TNPO3: variants seen among roughly 807,000 people sequenced by gnomAD.
TNPO3 encodes the protein transportin-3.
Under a neutral mutation model 122.8 loss-of-function variants are expected in TNPO3, and 65 were observed. That is an observed-to-expected ratio of 0.53 (90% confidence interval 0.43 to 0.65). The LOEUF is 0.65. Among genes scored for constraint, TNPO3 ranks in the 30% least tolerant of loss-of-function variants. The pLI, the probability that TNPO3 is intolerant of heterozygous loss-of-function variation, is 0.00. For synonymous variants in TNPO3, 372 were observed against 411.2 expected, an observed-to-expected ratio of 0.90 and a Z score of 1.15; for missense variants, 850 against 1,136.7, an observed-to-expected ratio of 0.75 and a Z score of 3.63.
chr7:128,984,037 T>G, intron 13 of TNPO3, 131 bp downstream of exon 13: 1 of 525,220 alleles, frequency 1.9e-6, no homozygotes, highest in Non-Finnish European at 3.3e-6. Context: ...ACATTAATTT[T>G]AATAAATTCT....
chr7:128,967,913 C>T (rs1798079349), intron 20 of TNPO3, among the ~76,000 whole-genome samples: 1 of 152,004 alleles, frequency 6.6e-6, no homozygotes, highest in African/African-American at 2.4e-5. Flanking sequence ...ACATGCCTGG[C>T]TAATTAAAAA....
At chr7:129,023,835 T>A (rs1326173192) in intron 1 of TNPO3, among the ~76,000 whole-genome samples, 1 of 152,236 alleles carries the variant, frequency 6.6e-6, no homozygotes, top group Non-Finnish European at 1.5e-5. Context: ...AGTATTCTAA[T>A]GGCAACAACC....
At chr7:128,977,543 T>C (rs1049329721) in intron 16 of TNPO3, among the ~76,000 whole-genome samples, 1 of 152,176 alleles carries the variant, frequency 6.6e-6, no homozygotes, top group Non-Finnish European at 1.5e-5. Context: ...GTGCCTGTGG[T>C]TGAGGGCACC....
At chr7:129,050,401 A>AGG (rs71162553) in intron 1 of TNPO3, among the ~76,000 whole-genome samples, 35 of 80,686 alleles carry the variant, frequency 4.3e-4, no homozygotes, top group Non-Finnish European at 5.4e-4. Context: ...AAAAAAAAAA[A>AGG]GGGTGGGGGG....
intron 1 of TNPO3, among the ~76,000 whole-genome samples, chr7:129,035,243 C>T (rs996084459): frequency 5.0e-4 from 76 of 152,154 alleles, no homozygotes; most frequent in African/African-American, 1.8e-3. Context: ...CACTGCAGTC[C>T]GGCCTGGGCG....
At chr7:129,017,900 A>G (rs750990998) in intron 2 of TNPO3, 57 bp downstream of exon 2, 11 of 1,550,144 alleles carry the variant, frequency 7.1e-6, no homozygotes, top group Non-Finnish European at 9.8e-6. Flanking sequence ...AATTAAAACA[A>G]TCCTGATAAA....
chr7:129,017,052 G>C lies in TNPO3; in HGVS notation c.326C>G (p.Ala109Gly), dbSNP rs1477018239. Residue 109 changes from alanine (A) to glycine (G), a missense_variant, in exon 3 of 23, where the codon GCT becomes GGT. Ala to Gly is a moderately conservative substitution (Grantham distance 60). Coordinates refer to ENST00000265388, the MANE Select transcript of TNPO3 (RefSeq NM_012470.4). ...TAGGGCAAGATCTGCTATTGCTAAA[G>C]CCAGCTGAATAAGAGAGATTAAATA... Reference protein sequence around the residue: ...DLSPVIVTQLALAIADLALQM... With the variant: ...DLSPVIVTQLGLAIADLALQM... 6.2e-7 allele frequency: 1 copy of C among 1,611,552 alleles called. No homozygotes were observed. The highest frequency in any genetic ancestry group is 1.1e-5 in the South Asian group (1 of 91,074).
intron 21 of TNPO3, among the ~76,000 whole-genome samples, chr7:128,958,862 G>GGT (rs1290513546): frequency 1.3e-5 from 2 of 152,102 alleles, no homozygotes; most frequent in African/African-American, 4.8e-5. Flanking sequence ...AACTTAGCTG[G>GGT]GTGTGGTGGT....
At chr7:129,048,906 T>G (rs1360972071) in intron 1 of TNPO3, among the ~76,000 whole-genome samples, 1 of 152,234 alleles carries the variant, frequency 6.6e-6, no homozygotes, top group Admixed American at 6.5e-5. Flanking sequence ...CTATGGGTAT[T>G]GGACTACATA....
intron 1 of TNPO3, among the ~76,000 whole-genome samples, chr7:129,039,802 C>T (rs1443843600): frequency 1.3e-5 from 2 of 152,136 alleles, no homozygotes; most frequent in Non-Finnish European, 2.9e-5. Context: ...ATCATACTAA[C>T]TGAAAGAAGA....
chr7:128,955,130 G>T lies in TNPO3; in HGVS notation c.*287C>A. The T allele has an allele frequency of 7.7e-5, 23 of 297,954 alleles. No individual in the cohort carries two copies. Among genetic ancestry groups the T allele is most frequent in the Middle Eastern group, 1.3e-3 (1 of 786 alleles). 18.5% of individuals were successfully genotyped at this position (297,954 alleles called of 1,614,324 possible). The stretch of plus-strand genomic sequence containing the variant: ...TTACTTAAAATTATTTTTCCTTTTA[G>T]AAAGTTCACCAGGAAACCAGCTCCC... On this transcript the variant is annotated 3_prime_UTR_variant, in exon 23 of 23. Transcript: ENST00000265388.
intron 21 of TNPO3, among the ~76,000 whole-genome samples, chr7:128,961,827 C>T (rs1171222318): frequency 2.0e-5 from 3 of 152,096 alleles, no homozygotes; most frequent in Non-Finnish European, 2.9e-5. Context: ...GGATTCAACC[C>T]CTTACTGGCC....
intron 1 of TNPO3, among the ~76,000 whole-genome samples, chr7:129,054,306 CTG>C (rs1307811462): frequency 6.6e-6 from 1 of 152,098 alleles, no homozygotes; most frequent in Admixed American, 6.5e-5. Context: ...TGGAGAAACA[CTG>C]GGGTTGGATT....
intron 11 of TNPO3, among the ~76,000 whole-genome samples, chr7:128,988,477 T>A (rs1800405373): frequency 6.6e-6 from 1 of 152,180 alleles, no homozygotes; most frequent in African/African-American, 2.4e-5. Flanking sequence ...TGTAGACTTC[T>A]GTGATTCCCA....
chr7:129,045,358 C>T (rs532235056), intron 1 of TNPO3, among the ~76,000 whole-genome samples: 23 of 152,056 alleles, frequency 1.5e-4, no homozygotes, highest in South Asian at 6.2e-4. Flanking sequence ...TGACTGGGCA[C>T]GGTAGCTCAT....
rs115628431 is a variant in TNPO3 at position 129,009,937 on chromosome 7, A to T, written c.553-4778T>A. On this transcript the variant is annotated intron_variant, in intron 4 of 22. Transcript: ENST00000265388. ...AGGAAACTGACTGGTAAAGAATGGG[A>T]TTCTGAAACTTGGAAAGGAGACACC... Among the ~76,000 whole-genome samples, 821 of 152,272 alleles carry T rather than the reference A, an allele frequency of 5.4e-3. 8 individuals carry two copies. Among genetic ancestry groups the T allele is most frequent in the African/African-American group, 0.019 (793 of 41,552 alleles).
At chr7:129,019,010 T>C (rs1295365716) in intron 1 of TNPO3, among the ~76,000 whole-genome samples, 1 of 152,204 alleles carries the variant, frequency 6.6e-6, no homozygotes. Flanking sequence ...TGAGCCACCG[T>C]GCCTGGCCCC....
At chr7:128,983,178 TAA>T (rs1306613417) in intron 13 of TNPO3, among the ~76,000 whole-genome samples, 1 of 152,110 alleles carries the variant, frequency 6.6e-6, no homozygotes. Context: ...GCATTAATGT[TAA>T]ATGGAGATCA....
At chr7:129,039,031 G>C (rs1414339812) in intron 1 of TNPO3, among the ~76,000 whole-genome samples, 1 of 151,976 alleles carries the variant, frequency 6.6e-6, no homozygotes. Flanking sequence ...AAAGATACAC[G>C]AATGGTCAAA....
Sources: gnomAD v4.1 joint callset for allele counts (sites outside exome capture counted in the v4.1 genomes callset) on GRCh38, gnomAD v4.1.1 for gene constraint, MANE v1.5 for transcripts, NCBI Gene and HGNC (gene_info 2026-07-23, HGNC 2026-07-21) for gene names.